FAM50B: variants seen among roughly 807,000 people sequenced by gnomAD.
The protein encoded by FAM50B is protein FAM50B.
Under a neutral mutation model 25.4 loss-of-function variants are expected in FAM50B, and 9 were observed. The observed-to-expected ratio is 0.35, with a 90% CI of 0.21 to 0.62. The LOEUF (loss-of-function observed/expected upper bound fraction) is 0.62, where lower values mean the gene tolerates loss of function less well. FAM50B is among the 20% of genes least tolerant of loss of function. FAM50B has a pLI of 0.73. For synonymous variants in FAM50B, 212 were observed against 204.3 expected (o/e 1.04, Z -0.32); for missense variants, 372 against 477.9 (o/e 0.78, Z 2.07).
chr6:3,841,908 C>G, the FAM50B span, among the ~76,000 whole-genome samples: 1 of 152,224 alleles, frequency 6.6e-6, no homozygotes, highest in Admixed American at 6.5e-5. Flanking sequence ...GCCTGCTGGC[C>G]TCTGTGACAC....
the FAM50B span, among the ~76,000 whole-genome samples, chr6:3,838,324 A>T: frequency 3.3e-5 from 5 of 151,174 alleles, no homozygotes; most frequent in African/African-American, 1.2e-4. Flanking sequence ...TAAGAAAACT[A>T]AAAAAAAAGA....
the FAM50B span, among the ~76,000 whole-genome samples, chr6:3,835,721 C>A: frequency 5.9e-5 from 9 of 152,190 alleles, no homozygotes; most frequent in Non-Finnish European, 1.2e-4. Flanking sequence ...AAATTCTCAG[C>A]AAGTAATTTT....
In FAM50B at chr6:3,850,462, G is replaced by A. The variant is rs1762200312; in HGVS notation, c.651G>A (p.Leu217=). The change falls in exon 2 of 2, where the codon CTG becomes CTA. Residue 217 remains leucine, a synonymous_variant. Coordinates refer to ENST00000648326, the MANE Select transcript of FAM50B (RefSeq NM_012135.3). ...NTVQQFLKKA[L]QGLRKDFLEL... ...TGCAGCAGTTCCTGAAGAAGGCGCT[G>A]CAGGGGCTGCGCAAGGACTTCCTGG... is the stretch of plus-strand genomic sequence containing the variant. 3 of 1,613,570 alleles carry A rather than the reference G, an allele frequency of 1.9e-6. No individual in the cohort carries two copies. The highest frequency in any genetic ancestry group is 1.1e-5 in the South Asian group (1 of 91,092).
upstream of FAM50B, among the ~76,000 whole-genome samples, chr6:3,846,530 G>A (rs6910067): frequency 0.47 from 71,872 of 152,066 alleles, 17,314 homozygotes; most frequent in Non-Finnish European, 0.5. Flanking sequence ...GGTTGCCAAA[G>A]GCTGGGCCTG....
At position 3,850,411 on chromosome 6, in the gene FAM50B, G is replaced by T; in HGVS notation, c.600G>T (p.Thr200=). Residue 200 remains threonine, a synonymous_variant, in exon 2 of 2, where the codon ACG becomes ACT. Coordinates refer to ENST00000648326, the MANE Select transcript of FAM50B (RefSeq NM_012135.3). Reference sequence around the variant, plus strand: ...GGGACGGCTCGGGCCACCGGCGCACGGTGCGGGTGCGCAAGGGCAACACGG... The same window carrying T: ...GGGACGGCTCGGGCCACCGGCGCACTGTGCGGGTGCGCAAGGGCAACACGG... ...SYWDGSGHRR[T]VRVRKGNTVQ... 6.2e-7 allele frequency: 1 copy of T among 1,613,322 alleles called. No homozygotes were observed. Among genetic ancestry groups the T allele is most frequent in the South Asian group, 1.1e-5 (1 of 91,076 alleles).
upstream of FAM50B, among the ~76,000 whole-genome samples, chr6:3,848,899 G>A (rs965291314): frequency 2.6e-5 from 4 of 152,130 alleles, no homozygotes; most frequent in Admixed American, 6.5e-5. Flanking sequence ...TTGTGTTGGG[G>A]CCATAAGAAA....
At chr6:3,843,060 G>A in the FAM50B span, among the ~76,000 whole-genome samples, 5 of 152,312 alleles carry the variant, frequency 3.3e-5, no homozygotes, top group South Asian at 2.1e-4. Flanking sequence ...GGATTGGCGT[G>A]TACTTTAATT....
chr6:3,850,505 G>A lies in FAM50B; in HGVS notation c.694G>A (p.Val232Met). Reference protein sequence around the residue: ...KDFLELRSAGVEQLMFIKEDL... With the variant: ...KDFLELRSAGMEQLMFIKEDL... ...CTTCCTGGAGCTGCGCTCCGCCGGC[G>A]TGGAGCAGCTCATGTTCATCAAGGA... Residue 232 changes from valine to methionine, a missense_variant, in exon 2 of 2, where the codon GTG (valine) becomes ATG (methionine). Val to Met is a conservative substitution (Grantham distance 21, BLOSUM62 1). Coordinates refer to ENST00000648326, the MANE Select transcript of FAM50B (RefSeq NM_012135.3). 1.9e-6 allele frequency: 3 copies of A among 1,613,780 alleles called. No individual in the cohort carries two copies. The highest frequency in any genetic ancestry group is 2.5e-6 in the Non-Finnish European group (3 of 1,180,018).
chr6:3,840,605 G>T, the FAM50B span, among the ~76,000 whole-genome samples: 1 of 152,184 alleles, frequency 6.6e-6, no homozygotes, highest in Non-Finnish European at 1.5e-5. Flanking sequence ...CCACTCAAAG[G>T]CCGGAACACG....
At chr6:3,844,371 G>C in the FAM50B span, among the ~76,000 whole-genome samples, 1 of 152,032 alleles carries the variant, frequency 6.6e-6, no homozygotes, top group Admixed American at 6.5e-5. Flanking sequence ...TTTAACAATA[G>C]AATGTACCAC....
upstream of FAM50B, among the ~76,000 whole-genome samples, chr6:3,844,376 TACC>T (rs1762097859): frequency 6.6e-6 from 1 of 152,212 alleles, no homozygotes. Flanking sequence ...CAATAGAATG[TACC>T]ACATTTATTT....
Position 3,850,849 on chromosome 6 carries a change from C to T in FAM50B, c.*60C>T. On this transcript the variant is annotated 3_prime_UTR_variant, in exon 2 of 2. Transcript: ENST00000648326. The stretch of plus-strand genomic sequence containing the variant: ...GGAGACACTCATTTCTAGGCCCCAT[C>T]ACCAGTCACTTGATTTCGTGACCTT... 1 of 1,567,502 alleles carries T rather than the reference C, an allele frequency of 6.4e-7. No homozygotes were observed. Among genetic ancestry groups the T allele is most frequent in the Non-Finnish European group, 8.6e-7 (1 of 1,157,290 alleles).
At chr6:3,833,018 A>G in the FAM50B span, among the ~76,000 whole-genome samples, 1 of 151,668 alleles carries the variant, frequency 6.6e-6, no homozygotes, top group African/African-American at 2.4e-5. Context: ...GTGCCACCAC[A>G]CTCGGCTAAT....
At chr6:3,848,854 T>TG (rs1561774714), upstream of FAM50B, among the ~76,000 whole-genome samples, 1 of 152,092 alleles carries the variant, frequency 6.6e-6, no homozygotes, top group African/African-American at 2.4e-5. Flanking sequence ...GTCACGAAAC[T>TG]GGGGGGCGAG....
At chr6:3,832,724 G>A in the FAM50B span, among the ~76,000 whole-genome samples, 1 of 152,226 alleles carries the variant, frequency 6.6e-6, no homozygotes, top group Non-Finnish European at 1.5e-5. Flanking sequence ...CCCAGGCTAA[G>A]AGAGAATAGG....
chr6:3,834,387 GA>G, the FAM50B span, among the ~76,000 whole-genome samples: 40 of 109,526 alleles, frequency 3.7e-4, no homozygotes, highest in African/African-American at 1.4e-3. Context: ...AGGAAGAAAA[GA>G]AAAGAAAAAA....
the FAM50B span, among the ~76,000 whole-genome samples, chr6:3,839,224 G>A: frequency 6.6e-6 from 1 of 151,832 alleles, no homozygotes; most frequent in Non-Finnish European, 1.5e-5. Context: ...CATGGTGAGG[G>A]GGGACGCAAA....
In FAM50B at chr6:3,850,755, C is replaced by T. The variant is rs1354182502; in HGVS notation, c.944C>T (p.Pro315Leu). The T allele has an allele frequency of 1.9e-6, 3 of 1,613,960 alleles. No homozygotes were observed. Among genetic ancestry groups the T allele is most frequent in the East Asian group, 2.2e-5 (1 of 44,864 alleles). ...GCCAGCCGCTGGGAGGCCTATGACC[C>T]CGAGAAGAAGTGGGACAAGTACACC... ...FPASRWEAYD[P>L]EKKWDKYTIR Residue 315 changes from proline to leucine, a missense_variant, in exon 2 of 2, where the codon CCC (proline) becomes CTC (leucine). Pro to Leu is a moderately conservative substitution (Grantham distance 98). Coordinates refer to ENST00000648326, the MANE Select transcript of FAM50B (RefSeq NM_012135.3).
At chr6:3,844,950 C>CA (rs1438940768), upstream of FAM50B, among the ~76,000 whole-genome samples, 4 of 152,148 alleles carry the variant, frequency 2.6e-5, no homozygotes, top group Admixed American at 6.5e-5. Context: ...ATGACAAAAC[C>CA]TATTGGAAAA....
Sources: gnomAD v4.1 joint callset for allele counts (sites outside exome capture counted in the v4.1 genomes callset) on GRCh38, gnomAD v4.1.1 for gene constraint, MANE v1.5 for transcripts, NCBI Gene and HGNC (gene_info 2026-07-23, HGNC 2026-07-21) for gene names.